GDPD1: variants seen among roughly 807,000 people sequenced by gnomAD.
GDPD1 encodes glycerophosphodiester phosphodiesterase domain containing 1.
Under a neutral mutation model 45.1 loss-of-function variants are expected in GDPD1, and 28 were observed. The observed-to-expected ratio is 0.62, with a 90% CI of 0.46 to 0.85. The LOEUF is 0.85. GDPD1 is among the 40% of genes least tolerant of loss of function. The pLI is 0.00. For synonymous variants in GDPD1, 139 were observed against 131.4 expected (o/e 1.06, Z -0.40); for missense variants, 256 against 364.8 (o/e 0.70, Z 2.43).
intron 2 of GDPD1, among the ~76,000 whole-genome samples, chr17:59,237,962 T>TAA (rs61080306): frequency 1.2e-4 from 10 of 85,830 alleles, no homozygotes; most frequent in East Asian, 3.4e-4. Flanking sequence ...GACTCCGTCT[T>TAA]AAAAAAAAAA....
At chr17:59,260,071 A>C (rs2047343451) in intron 6 of GDPD1, among the ~76,000 whole-genome samples, 1 of 127,932 alleles carries the variant, frequency 7.8e-6, no homozygotes. Flanking sequence ...AAAAAAAAAA[A>C]AAAAAAAAAA....
intron 1 of GDPD1, among the ~76,000 whole-genome samples, chr17:59,233,294 A>C (rs1218866694): frequency 1.3e-5 from 2 of 152,138 alleles, no homozygotes; most frequent in Non-Finnish European, 1.5e-5. Context: ...CGGGTGGATC[A>C]CGAGGTCAGG....
chr17:59,237,276 C>CCG (rs1165603071), intron 2 of GDPD1, among the ~76,000 whole-genome samples: 10 of 152,090 alleles, frequency 6.6e-5, no homozygotes, highest in African/African-American at 2.4e-4. Context: ...GTGGTGCAAG[C>CCG]TGTAGTCACA....
intron 2 of GDPD1, among the ~76,000 whole-genome samples, chr17:59,237,401 AAAAT>A (rs1464225193): frequency 6.6e-6 from 1 of 152,170 alleles, no homozygotes; most frequent in South Asian, 2.1e-4. Flanking sequence ...ACCTTGTCTC[AAAAT>A]AAATAAATAA....
At chr17:59,239,617 A>AT (rs1266960562) in intron 2 of GDPD1, among the ~76,000 whole-genome samples, 2 of 152,022 alleles carry the variant, frequency 1.3e-5, no homozygotes, top group Non-Finnish European at 2.9e-5. Flanking sequence ...TATTGTTCTA[A>AT]TTTTTTTATC....
rs1308664632 is a variant in GDPD1 at position 59,245,517 on chromosome 17, G to A, written c.289G>A (p.Val97Ile). 6.2e-7 allele frequency: 1 copy of A among 1,610,872 alleles called. No individual in the cohort carries two copies. The highest frequency in any genetic ancestry group is 8.5e-7 in the Non-Finnish European group (1 of 1,177,558). ...HDENLKRATGVNVNISDLKYC... is the reference protein window; with the variant it reads ...HDENLKRATGINVNISDLKYC... The stretch of plus-strand genomic sequence containing the variant: ...TGAGAATCTAAAGAGAGCAACTGGG[G>A]TCAATGTAAACATCTCTGATCTCAA... The change falls in exon 3 of 10, where the codon GTC (valine) becomes ATC (isoleucine). Residue 97 changes from valine to isoleucine, a missense_variant. By Grantham distance (29) the Val-to-Ile change is conservative (BLOSUM62 3). Coordinates refer to ENST00000284116, the MANE Select transcript of GDPD1 (RefSeq NM_182569.4).
intron 2 of GDPD1, among the ~76,000 whole-genome samples, chr17:59,235,763 G>A (rs1028029689): frequency 1.1e-4 from 17 of 150,610 alleles, no homozygotes; most frequent in African/African-American, 3.9e-4. Context: ...GTTGCATTGA[G>A]CCGAGATTGC....
intron 1 of GDPD1, 43 bp from the exon 2 acceptor site, chr17:59,234,449 T>C: frequency 7.9e-7 from 1 of 1,264,324 alleles, no homozygotes; most frequent in Non-Finnish European, 1.1e-6. Flanking sequence ...TTCAGGAAAA[T>C]TAAAATGTTC....
Position 59,275,062 on chromosome 17 carries a change from G to C in GDPD1, c.*1289G>C, listed in dbSNP as rs570206878. 4 of 1,018,196 alleles carry C rather than the reference G, an allele frequency of 3.9e-6. No homozygotes were observed. The highest frequency in any genetic ancestry group is 2.7e-5 in the South Asian group (2 of 73,166). 63.1% of individuals were successfully genotyped at this position (1,018,196 alleles called of 1,614,324 possible). The stretch of plus-strand genomic sequence containing the variant: ...TTGCCACGTTGGCCAGACTGGTCTC[G>C]AACTCCTGACCTCAGGTGATCCACC... On this transcript the variant is annotated 3_prime_UTR_variant, in exon 10 of 10. Coordinates refer to ENST00000284116, the MANE Select transcript of GDPD1 (RefSeq NM_182569.4).
intron 1 of GDPD1, among the ~76,000 whole-genome samples, chr17:59,223,528 C>T (rs573045629): frequency 5.3e-5 from 8 of 152,124 alleles, no homozygotes; most frequent in Non-Finnish European, 7.3e-5. Flanking sequence ...TTTTTGTCTT[C>T]GACACGGATA....
chr17:59,268,121 T>C (rs532146803), intron 7 of GDPD1, among the ~76,000 whole-genome samples: 1 of 152,286 alleles, frequency 6.6e-6, no homozygotes, highest in South Asian at 2.1e-4. Flanking sequence ...TCAAGAGTGA[T>C]AGCTTTTATT....
rs1401056722 is a variant in GDPD1 at position 59,255,831 on chromosome 17, G to A, written c.368-1291G>A. On this transcript the variant is annotated intron_variant, in intron 4 of 9. Transcript: ENST00000284116. ...TATATACGCGTATATATATATACGC[G>A]TATATATATATATATATATACACAC... Among the ~76,000 whole-genome samples, 38 of 62,970 alleles carry A rather than the reference G, an allele frequency of 6.0e-4. 2 individuals are homozygous for A. Among genetic ancestry groups the A allele is most frequent in the South Asian group, 2.1e-3 (4 of 1,894 alleles). 41.3% of individuals were successfully genotyped at this position (62,970 alleles called of 152,430 possible). A position where few individuals can be genotyped will look rare whatever the true frequency, so the allele number is the denominator to read the frequency against.
intron 1 of GDPD1, among the ~76,000 whole-genome samples, chr17:59,232,142 A>G (rs79319026): frequency 0.052 from 7,885 of 152,200 alleles, 384 homozygotes; most frequent in African/African-American, 0.11. Flanking sequence ...TACATATACA[A>G]AAAATTGCCT....
At chr17:59,269,190 G>A (rs1430673177) in intron 7 of GDPD1, among the ~76,000 whole-genome samples, 2 of 151,818 alleles carry the variant, frequency 1.3e-5, no homozygotes, top group Admixed American at 6.6e-5. Context: ...TCAGTTACTC[G>A]GGAGGCTGAG....
chr17:59,250,670 G>A (rs2047246323), intron 4 of GDPD1, among the ~76,000 whole-genome samples: 1 of 151,566 alleles, frequency 6.6e-6, no homozygotes, highest in Non-Finnish European at 1.5e-5. Context: ...TGTTTTCCTG[G>A]GTTTGTATGT....
chr17:59,221,247 T>A (rs1380956867), intron 1 of GDPD1, among the ~76,000 whole-genome samples: 1 of 151,898 alleles, frequency 6.6e-6, no homozygotes, highest in East Asian at 1.9e-4. Flanking sequence ...TAACCCCTTG[T>A]CTGCGGTGCT....
chr17:59,257,864 A>G (rs763430832), intron 6 of GDPD1, 24 bp downstream of exon 6: 3 of 1,375,858 alleles, frequency 2.2e-6, no homozygotes, highest in Non-Finnish European at 3.1e-6. Flanking sequence ...ATGATACAGA[A>G]TTATCTATCT....
chr17:59,255,759 AAAAATATAT>A (rs1392716124), intron 4 of GDPD1, among the ~76,000 whole-genome samples: 3 of 81,626 alleles, frequency 3.7e-5, no homozygotes, highest in African/African-American at 2.4e-4. Context: ...AAAAAAAAAA[AAAAATATAT>A]ATATATATAT....
chr17:59,274,262 C>CAA lies in GDPD1; in HGVS notation c.*490_*491insAA. 2 of 606,528 alleles carry CAA rather than the reference C, an allele frequency of 3.3e-6. No homozygotes were observed. Among genetic ancestry groups the CAA allele is most frequent in the Non-Finnish European group, 4.1e-6 (2 of 483,970 alleles). The allele number at this position is 606,528 out of a possible 1,614,324, so 37.6% of individuals were successfully genotyped here. On this transcript the variant is annotated 3_prime_UTR_variant, in exon 10 of 10. Coordinates refer to ENST00000284116, the MANE Select transcript of GDPD1 (RefSeq NM_182569.4). ...GTGTGGTGGCTCATGCCTGTAATCC[C>CAA]AGCACTTTGGGAGGCTGAGACAGGC...
Sources: allele counts gnomAD v4.1 joint callset (sites outside exome capture counted in the v4.1 genomes callset), GRCh38; gene constraint gnomAD v4.1.1; transcripts MANE v1.5; gene names NCBI Gene and HGNC (gene_info 2026-07-23, HGNC 2026-07-21).